DNAJB1: variants seen among roughly 807,000 people sequenced by gnomAD.
DNAJB1 encodes dnaJ homolog subfamily B member 1.
A neutral mutation model predicts 24.0 loss-of-function variants in DNAJB1; 14 were observed. That is an observed-to-expected ratio of 0.58 (90% CI 0.39 to 0.91). The LOEUF is 0.91. Ranked by LOEUF, DNAJB1 falls within the 40% of genes least tolerant of loss-of-function variation. The pLI, the probability that DNAJB1 is intolerant of heterozygous loss-of-function variation, is 0.00. For missense variants in DNAJB1, 517 were observed against 458.1 expected (o/e 1.13, Z -1.17); for synonymous variants, 262 against 174.4 (o/e 1.50, Z -3.96).
Position 14,517,014 on chromosome 19 carries a change from C to T in DNAJB1, c.244G>A (p.Gly82Ser). Residue 82 changes from glycine (G) to serine (S), a missense_variant, in exon 2 of 3, where the codon GGC becomes AGC. Coordinates refer to ENST00000254322, the MANE Select transcript of DNAJB1 (RefSeq NM_006145.3). ...AAAGAGGTACCATTGGCACCACCGC[C>T]GCTACCGCCACTGGGGCCACTCCCC... ...LKGSGPSGGS[G>S]GGANGTSFSY... is the part of the protein sequence containing the mutation. The T allele has an allele frequency of 6.2e-7, 1 of 1,609,978 alleles. No homozygotes were observed. The highest frequency in any genetic ancestry group is 8.5e-7 in the Non-Finnish European group (1 of 1,178,598).
intron 1 of DNAJB1, among the ~76,000 whole-genome samples, chr19:14,557,808 T>A (rs1044008762): frequency 2.0e-5 from 3 of 150,962 alleles, no homozygotes; most frequent in African/African-American, 7.3e-5. Flanking sequence ...CAGGCTGGAG[T>A]GCAGTGGCGC....
chr19:14,536,863 G>A (rs986450085), intron 1 of DNAJB1, among the ~76,000 whole-genome samples: 3 of 151,688 alleles, frequency 2.0e-5, no homozygotes, highest in Non-Finnish European at 4.4e-5. Context: ...TACCTGGAAA[G>A]CCTCAGCTTG....
At chr19:14,546,605 G>C (rs187654103) in intron 1 of DNAJB1, among the ~76,000 whole-genome samples, 1 of 152,182 alleles carries the variant, frequency 6.6e-6, no homozygotes, top group South Asian at 2.1e-4. Context: ...TGGCCTGGCT[G>C]CATGCACTAC....
Position 14,515,548 on chromosome 19 carries a change from G to C in DNAJB1, c.*392C>G, listed in dbSNP as rs1599377904. 3 of 235,572 alleles carry C rather than the reference G, an allele frequency of 1.3e-5. No homozygotes were observed. The South Asian group carries it at 1.5e-4, about 12-fold the overall frequency. The allele number at this position is 235,572 out of a possible 1,614,324, so 14.6% of individuals were successfully genotyped here. Reference sequence around the variant, plus strand: ...CAACAGAAAAGGAGGAGTGTACAGGGTCTGGGAATCAAGACTGCAGGTTGA... The same window carrying C: ...CAACAGAAAAGGAGGAGTGTACAGGCTCTGGGAATCAAGACTGCAGGTTGA... On this transcript the variant is annotated 3_prime_UTR_variant, in exon 3 of 3. Transcript: ENST00000254322.
intron 1 of DNAJB1, 123 bp downstream of exon 1, chr19:14,518,016 G>A (rs562678890): frequency 9.1e-7 from 1 of 1,094,316 alleles, no homozygotes; most frequent in Non-Finnish European, 1.2e-6. Flanking sequence ...AGGCCGGAGG[G>A]CGGGGCAGCT....
chr19:14,553,713 G>C (rs1019416407), upstream of DNAJB1, among the ~76,000 whole-genome samples: 2 of 151,968 alleles, frequency 1.3e-5, no homozygotes, highest in Admixed American at 1.3e-4. Context: ...TGGGGGCGAG[G>C]TGATGGGGGC....
At chr19:14,557,328 A>C (rs944099533) in intron 1 of DNAJB1, among the ~76,000 whole-genome samples, 2 of 150,370 alleles carry the variant, frequency 1.3e-5, no homozygotes, top group African/African-American at 4.9e-5. Flanking sequence ...TTTATTAGAG[A>C]CGGGGTTTCA....
chr19:14,537,122 G>T (rs1008318976), intron 1 of DNAJB1, among the ~76,000 whole-genome samples: 1 of 142,366 alleles, frequency 7.0e-6, no homozygotes, highest in African/African-American at 2.7e-5. Flanking sequence ...AGGTGGAGGA[G>T]GTGGTTCCTG....
intron 1 of DNAJB1, among the ~76,000 whole-genome samples, chr19:14,556,326 C>T (rs187144397): frequency 1.3e-5 from 2 of 152,124 alleles, no homozygotes; most frequent in East Asian, 1.9e-4. Context: ...TCTGACCACT[C>T]TCAAATGGCC....
At position 14,515,122 on chromosome 19, in the gene DNAJB1, C is replaced by T. The variant is rs546469435; in HGVS notation, c.*818G>A. The T allele has an allele frequency of 3.0e-4, 46 of 152,720 alleles. No individual in the cohort carries two copies. Among genetic ancestry groups the T allele is most frequent in the African/African-American group, 1.1e-3 (46 of 41,560 alleles). The allele number at this position is 152,720 out of a possible 1,614,324, so 9.5% of individuals were successfully genotyped here. A position where few individuals can be genotyped will look rare whatever the true frequency, so the allele number is the denominator to read the frequency against. On this transcript the variant is annotated 3_prime_UTR_variant, in exon 3 of 3. Coordinates refer to ENST00000254322, the MANE Select transcript of DNAJB1 (RefSeq NM_006145.3). ...AGGGCTGTGCAAAATTCAAAAGGAT[C>T]AGATCCCTTTGAAAGAGTCCATAGT...
upstream of DNAJB1, chr19:14,529,546 C>T (rs576227374): frequency 2.1e-5 from 25 of 1,195,916 alleles, no homozygotes; most frequent in South Asian, 2.8e-4. Flanking sequence ...CCCTGATTGG[C>T]CGACGGGGCG....
chr19:14,552,092 G>A (rs1248977843), upstream of DNAJB1, among the ~76,000 whole-genome samples: 2 of 149,938 alleles, frequency 1.3e-5, no homozygotes, highest in Non-Finnish European at 3.0e-5. Flanking sequence ...ATCTACCTTG[G>A]CCTCCCAAAG....
chr19:14,558,948 C>T (rs2073825307), intron 1 of DNAJB1, among the ~76,000 whole-genome samples: 1 of 152,212 alleles, frequency 6.6e-6, no homozygotes, highest in Non-Finnish European at 1.5e-5. Flanking sequence ...CCCCTGGGAG[C>T]CCCTGCCCCC....
At chr19:14,538,087 T>C (rs967301056) in intron 1 of DNAJB1, among the ~76,000 whole-genome samples, 2 of 152,200 alleles carry the variant, frequency 1.3e-5, no homozygotes, top group Non-Finnish European at 1.5e-5. Context: ...AATCGTGTAC[T>C]AAACATAAGA....
intron 1 of DNAJB1, among the ~76,000 whole-genome samples, chr19:14,538,633 A>G (rs1298272133): frequency 6.7e-6 from 1 of 150,328 alleles, no homozygotes; most frequent in Non-Finnish European, 1.5e-5. Context: ...CCTGGGTTCA[A>G]GTGATTGTCC....
At chr19:14,557,784 C>G (rs1488413827) in intron 1 of DNAJB1, among the ~76,000 whole-genome samples, 1 of 149,206 alleles carries the variant, frequency 6.7e-6, no homozygotes, top group African/African-American at 2.5e-5. Flanking sequence ...GAGATGGAGT[C>G]TTGCTCTGTC....
intron 1 of DNAJB1, among the ~76,000 whole-genome samples, chr19:14,539,839 T>A (rs2073034362): frequency 6.6e-6 from 1 of 151,292 alleles, no homozygotes; most frequent in South Asian, 2.1e-4. Context: ...ACCCCACTCA[T>A]CTCCTTCGCA....
upstream of DNAJB1, among the ~76,000 whole-genome samples, chr19:14,552,995 A>G (rs2073589236): frequency 6.6e-6 from 1 of 152,030 alleles, no homozygotes; most frequent in Non-Finnish European, 1.5e-5. Context: ...TGAGGGCACA[A>G]CCGCAGGGAT....
chr19:14,550,189 C>T (rs945491148), intron 1 of DNAJB1, among the ~76,000 whole-genome samples: 12 of 151,988 alleles, frequency 7.9e-5, no homozygotes, highest in Admixed American at 2.0e-4. Context: ...AGTGAACAAA[C>T]GAGCCTCAGT....
Sources: gnomAD v4.1 joint callset for allele counts (sites outside exome capture counted in the v4.1 genomes callset) on GRCh38, gnomAD v4.1.1 for gene constraint, MANE v1.5 for transcripts, NCBI Gene and HGNC (gene_info 2026-07-23, HGNC 2026-07-21) for gene names.